Variants in RSU1 observed in about 807,000 individuals in gnomAD.
The protein encoded by RSU1 is rsu-1.
A neutral mutation model predicts 31.1 loss-of-function variants in RSU1; 26 were observed. The observed-to-expected ratio is 0.84, with a 90% CI of 0.61 to 1.16. The LOEUF is 1.16. RSU1 is among the 50% of genes most tolerant of loss of function. The probability of loss-of-function intolerance (pLI) is 0.00; values close to 1 mark genes in which losing one functional copy is unlikely to be tolerated. For synonymous variants in RSU1, 164 were observed against 136.3 expected, an observed-to-expected ratio of 1.20 and a Z score of -1.41; for missense variants, 320 against 339.1, an observed-to-expected ratio of 0.94 and a Z score of 0.44.
chr10:16,693,031 C>G (rs1835595169), intron 8 of RSU1, among the ~76,000 whole-genome samples: 1 of 152,132 alleles, frequency 6.6e-6, no homozygotes, highest in African/African-American at 2.4e-5. Context: ...GGCACGATCT[C>G]AGCTCACTGC....
At chr10:16,805,421 G>A (rs1338597996) in intron 2 of RSU1, among the ~76,000 whole-genome samples, 1 of 151,868 alleles carries the variant, frequency 6.6e-6, no homozygotes, top group Non-Finnish European at 1.5e-5. Flanking sequence ...CCTGTAATCC[G>A]AACATTTTGG....
At chr10:16,606,755 A>G (rs911144417) in intron 8 of RSU1, among the ~76,000 whole-genome samples, 1 of 152,212 alleles carries the variant, frequency 6.6e-6, no homozygotes, top group African/African-American at 2.4e-5. Context: ...TGTCCCATGA[A>G]AAGGAATGCC....
At chr10:16,775,487 T>G (rs1837509295) in intron 3 of RSU1, among the ~76,000 whole-genome samples, 1 of 152,158 alleles carries the variant, frequency 6.6e-6, no homozygotes, top group Non-Finnish European at 1.5e-5. Context: ...ACAGGTACAT[T>G]TTGGTTGGTG....
chr10:16,668,128 C>T (rs898990522), intron 8 of RSU1, among the ~76,000 whole-genome samples: 3 of 152,164 alleles, frequency 2.0e-5, no homozygotes, highest in Non-Finnish European at 4.4e-5. Context: ...GTTACTTAAT[C>T]CCCCTGTATT....
chr10:16,759,468 C>A (rs1837163259), intron 4 of RSU1, among the ~76,000 whole-genome samples: 2 of 152,172 alleles, frequency 1.3e-5, no homozygotes, highest in African/African-American at 4.8e-5. Flanking sequence ...GAGCATGCCA[C>A]TGCACTCCAG....
At chr10:16,666,784 T>C (rs1028380847) in intron 8 of RSU1, among the ~76,000 whole-genome samples, 1 of 151,956 alleles carries the variant, frequency 6.6e-6, no homozygotes, top group Non-Finnish European at 1.5e-5. Flanking sequence ...GGTCAGGAGT[T>C]CAAGACCAGC....
At position 16,694,902 on chromosome 10, in the gene RSU1, T is replaced by C; in HGVS notation, c.731+121A>G. 4.3e-6 allele frequency: 4 copies of C among 929,154 alleles called. No individual in the cohort carries two copies. In the South Asian group the frequency reaches 5.5e-5, roughly 13 times the overall value. The allele number at this position is 929,154 out of a possible 1,614,324, so 57.6% of individuals were successfully genotyped here. On this transcript the variant is annotated intron_variant, in intron 8 of 8. Coordinates refer to ENST00000345264, the MANE Select transcript of RSU1 (RefSeq NM_012425.4). The stretch of plus-strand genomic sequence containing the variant: ...CCGACATGCAGTTTTTAATAAAACA[T>C]CTTAAAATGCTAAGTGCTAACTGCC...
At chr10:16,798,340 T>A (rs1423576296) in intron 2 of RSU1, among the ~76,000 whole-genome samples, 1 of 152,130 alleles carries the variant, frequency 6.6e-6, no homozygotes, top group Non-Finnish European at 1.5e-5. Flanking sequence ...TCTGATATGG[T>A]TAGGCTGTGT....
rs147644157 is a variant in RSU1, at chr10:16,720,351, T to C, written c.599-25196A>G. Among the ~76,000 whole-genome samples, 359 of 152,284 alleles carry C rather than the reference T, an allele frequency of 2.4e-3. 3 individuals carry two copies. The highest frequency in any genetic ancestry group is 8.2e-3 in the African/African-American group (339 of 41,564). ...TCAGAAATAATTCTACAAATATACA[T>C]ATTGAACAGAAATAAATTATCAAAT... On this transcript the variant is annotated intron_variant, in intron 7 of 8. Transcript: ENST00000345264.
At chr10:16,784,108 A>AC (rs1213427649) in intron 2 of RSU1, among the ~76,000 whole-genome samples, 2 of 150,038 alleles carry the variant, frequency 1.3e-5, no homozygotes, top group Admixed American at 1.3e-4. Context: ...TTTTAACATG[A>AC]CCTTGCTCTG....
Position 16,752,578 on chromosome 10 carries a change from T to C in RSU1, c.559A>G (p.Ile187Val), listed in dbSNP as rs1837001379. The change falls in exon 7 of 9, where the codon ATT (isoleucine) becomes GTT (valine). Residue 187 changes from isoleucine to valine, a missense_variant. By Grantham distance (29) the Ile-to-Val change is conservative. Transcript: ENST00000345264. ...GELTQLKELH[I>V]QGNRLTVLPP... Reference sequence around the variant, plus strand: ...AGAACGGTGAGGCGGTTCCCCTGAATGTGGAGCTCTTTAAGCTGGGTAAGC... The same window carrying C: ...AGAACGGTGAGGCGGTTCCCCTGAACGTGGAGCTCTTTAAGCTGGGTAAGC... 6.2e-7 allele frequency: 1 copy of C among 1,614,054 alleles called. No individual in the cohort carries two copies. Among genetic ancestry groups the C allele is most frequent in the South Asian group, 1.1e-5 (1 of 91,086 alleles).
intron 8 of RSU1, among the ~76,000 whole-genome samples, chr10:16,682,398 T>G (rs1163836817): frequency 6.6e-6 from 1 of 152,190 alleles, no homozygotes; most frequent in Non-Finnish European, 1.5e-5. Context: ...TCCCGATATC[T>G]GGAAAACAAA....
chr10:16,809,879 T>C (rs150133382), intron 2 of RSU1, among the ~76,000 whole-genome samples: 141 of 152,076 alleles, frequency 9.3e-4, no homozygotes, highest in African/African-American at 3.3e-3. Flanking sequence ...AGACACCTTA[T>C]AGTCATCTTA....
At chr10:16,780,984 C>T (rs554035382) in intron 3 of RSU1, among the ~76,000 whole-genome samples, 1 of 152,288 alleles carries the variant, frequency 6.6e-6, no homozygotes, top group Admixed American at 6.5e-5. Flanking sequence ...ACCCTGCTGC[C>T]ACTCTTAATT....
At chr10:16,757,217 C>T (rs1837112595) in intron 4 of RSU1, among the ~76,000 whole-genome samples, 1 of 151,858 alleles carries the variant, frequency 6.6e-6, no homozygotes, top group African/African-American at 2.4e-5. Context: ...TAACGCAGTT[C>T]CCTTTGAGCA....
intron 7 of RSU1, among the ~76,000 whole-genome samples, chr10:16,723,569 G>A (rs45575735): frequency 0.02 from 2,989 of 152,064 alleles, 60 homozygotes; most frequent in Non-Finnish European, 0.027. Context: ...TTCTCCATTC[G>A]CTGATATTAA....
intron 8 of RSU1, among the ~76,000 whole-genome samples, chr10:16,619,631 A>G (rs145459903): frequency 6.6e-6 from 1 of 152,348 alleles, no homozygotes; most frequent in East Asian, 1.9e-4. Context: ...GCTCAATGGT[A>G]CATCAAATAA....
intron 8 of RSU1, among the ~76,000 whole-genome samples, chr10:16,692,286 C>T (rs11819537): frequency 0.012 from 1,875 of 152,272 alleles, 32 homozygotes; most frequent in African/African-American, 0.043. Flanking sequence ...TGTAACAGTG[C>T]AGAATGGTGA....
At chr10:16,603,092 C>T (rs1277283088) in intron 8 of RSU1, among the ~76,000 whole-genome samples, 3 of 152,026 alleles carry the variant, frequency 2.0e-5, no homozygotes, top group Non-Finnish European at 2.9e-5. Context: ...ATGCAATTTA[C>T]GAATGGCAGC....
Sources: allele counts gnomAD v4.1 joint callset (sites outside exome capture counted in the v4.1 genomes callset), GRCh38; gene constraint gnomAD v4.1.1; transcripts MANE v1.5; gene names NCBI Gene and HGNC (gene_info 2026-07-23, HGNC 2026-07-21).